The following MALRD1 variants were observed in gnomAD, a reference collection of about 807,000 sequenced individuals.
The protein encoded by MALRD1 is MAM and LDL-receptor class A domain-containing protein 1.
In MALRD1, 247 loss-of-function variants were observed where a neutral mutation model predicts 242.1. The ratio of observed to expected loss-of-function variants is 1.02; its 90% CI spans 0.92 to 1.13. The LOEUF is 1.13. Ranked by LOEUF, MALRD1 falls within the 50% of genes most tolerant of loss-of-function variation. MALRD1 has a pLI of 0.00. For missense variants in MALRD1, 2,989 were observed against 2,533.1 expected (o/e 1.18, Z -3.86); for synonymous variants, 995 against 866.6 (o/e 1.15, Z -2.60).
At chr10:19,604,226 T>C (rs534459187) in intron 34 of MALRD1, among the ~76,000 whole-genome samples, 4 of 152,256 alleles carry the variant, frequency 2.6e-5, no homozygotes, top group Admixed American at 6.5e-5. Flanking sequence ...AACAGCCTTA[T>C]TGTGGATATG....
chr10:19,152,965 A>T (rs990992516), intron 11 of MALRD1, among the ~76,000 whole-genome samples: 1 of 152,158 alleles, frequency 6.6e-6, no homozygotes, highest in Non-Finnish European at 1.5e-5. Context: ...GCCATTTAGA[A>T]TGCTATTTAT....
chr10:19,703,702 C>T (rs1036261706), intron 38 of MALRD1, among the ~76,000 whole-genome samples: 2 of 152,242 alleles, frequency 1.3e-5, no homozygotes, highest in East Asian at 3.9e-4. Flanking sequence ...CAAAACCAGC[C>T]TGGCCAACAT....
At chr10:19,329,937 A>G (rs560363632) in intron 23 of MALRD1, among the ~76,000 whole-genome samples, 30 of 152,302 alleles carry the variant, frequency 2.0e-4, no homozygotes, top group African/African-American at 6.7e-4. Flanking sequence ...AAGCCAGTTA[A>G]CAGTGCAACA....
chr10:19,504,730 C>A (rs113597267), intron 31 of MALRD1, among the ~76,000 whole-genome samples: 1 of 132,740 alleles, frequency 7.5e-6, no homozygotes, highest in Non-Finnish European at 1.5e-5. Flanking sequence ...GGCCGGACTG[C>A]GGACTGCAGT....
chr10:19,257,817 C>G, intron 19 of MALRD1, 46 bp downstream of exon 19: 1 of 1,234,460 alleles, frequency 8.1e-7, no homozygotes, highest in East Asian at 2.7e-5. Context: ...AATCTGTTTA[C>G]TTGGAAAACT....
chr10:19,047,768 G>T (rs1834374483), upstream of MALRD1, among the ~76,000 whole-genome samples: 1 of 152,020 alleles, frequency 6.6e-6, no homozygotes, highest in South Asian at 2.1e-4. Context: ...CAAAATGTAT[G>T]TATATACTTT....
At chr10:19,698,316 AT>A (rs1012058337) in intron 38 of MALRD1, among the ~76,000 whole-genome samples, 4 of 152,160 alleles carry the variant, frequency 2.6e-5, no homozygotes, top group African/African-American at 9.7e-5. Context: ...ATCACAAGGA[AT>A]TGAGTAAAAG....
chr10:19,646,890 A>G (rs1840684465), intron 36 of MALRD1, among the ~76,000 whole-genome samples: 1 of 152,202 alleles, frequency 6.6e-6, no homozygotes, highest in Non-Finnish European at 1.5e-5. Flanking sequence ...AAGATATGAA[A>G]TGTGCTGGAG....
At chr10:19,188,130 C>A (rs1240137454) in intron 14 of MALRD1, among the ~76,000 whole-genome samples, 4 of 152,108 alleles carry the variant, frequency 2.6e-5, no homozygotes. Flanking sequence ...GCATTTTGAA[C>A]AGAAGACTTG....
intron 14 of MALRD1, among the ~76,000 whole-genome samples, chr10:19,176,239 G>T (rs1442213068): frequency 6.6e-6 from 1 of 151,896 alleles, no homozygotes; most frequent in Non-Finnish European, 1.5e-5. Context: ...ATTCTTACAG[G>T]AGCTGAATGG....
At chr10:19,127,072 G>A (rs887960308) in intron 7 of MALRD1, among the ~76,000 whole-genome samples, 4 of 152,134 alleles carry the variant, frequency 2.6e-5, no homozygotes, top group Non-Finnish European at 5.9e-5. Context: ...CCATGCTCCT[G>A]CAAAGGACAT....
At chr10:19,116,219 G>A (rs1027103670) in intron 5 of MALRD1, among the ~76,000 whole-genome samples, 1 of 152,174 alleles carries the variant, frequency 6.6e-6, no homozygotes, top group Non-Finnish European at 1.5e-5. Context: ...TAAAGAAACA[G>A]CTGATTATAA....
intron 26 of MALRD1, among the ~76,000 whole-genome samples, chr10:19,381,788 G>A (rs756929413): frequency 3.9e-5 from 6 of 152,066 alleles, no homozygotes; most frequent in East Asian, 3.9e-4. Flanking sequence ...GCAGTGAGCC[G>A]AGATTACGCC....
At chr10:19,210,007 G>A (rs1836976088) in intron 18 of MALRD1, among the ~76,000 whole-genome samples, 2 of 152,142 alleles carry the variant, frequency 1.3e-5, no homozygotes, top group Non-Finnish European at 2.9e-5. Flanking sequence ...CTGATATTTT[G>A]CAAAGAGCAC....
At chr10:19,143,145 C>T (rs1393247065) in intron 10 of MALRD1, among the ~76,000 whole-genome samples, 1 of 152,196 alleles carries the variant, frequency 6.6e-6, no homozygotes, top group Non-Finnish European at 1.5e-5. Flanking sequence ...CAATGATTGA[C>T]ATTTTTTAAC....
chr10:19,660,017 C>T (rs557957925), intron 36 of MALRD1, among the ~76,000 whole-genome samples: 3 of 152,254 alleles, frequency 2.0e-5, no homozygotes, highest in African/African-American at 7.2e-5. Context: ...CTAAATCAGA[C>T]AGTCGTCATA....
At chr10:19,150,533 G>C (rs950289650) in intron 11 of MALRD1, among the ~76,000 whole-genome samples, 5 of 152,086 alleles carry the variant, frequency 3.3e-5, no homozygotes, top group South Asian at 2.1e-4. Flanking sequence ...TTCAACTTGA[G>C]GAGACTACCA....
At chr10:19,551,664 G>A (rs1835475220) in intron 32 of MALRD1, among the ~76,000 whole-genome samples, 2 of 152,032 alleles carry the variant, frequency 1.3e-5, no homozygotes, top group Admixed American at 6.6e-5. Context: ...GTGAGAGAGT[G>A]CATCCTTGTC....
intron 18 of MALRD1, among the ~76,000 whole-genome samples, chr10:19,244,321 T>C (rs951839137): frequency 1.3e-5 from 2 of 152,134 alleles, no homozygotes; most frequent in African/African-American, 4.8e-5. Flanking sequence ...ACCTGTAAAC[T>C]CAGTACTTTG....
Sources: allele counts gnomAD v4.1 joint callset (sites outside exome capture counted in the v4.1 genomes callset), GRCh38; gene constraint gnomAD v4.1.1; transcripts MANE v1.5; gene names NCBI Gene and HGNC (gene_info 2026-07-23, HGNC 2026-07-21).